Variants in GOLGB1 observed in about 807,000 individuals in gnomAD.
GOLGB1 encodes the protein golgin B1.
Under a neutral mutation model 336.9 loss-of-function variants are expected in GOLGB1, and 174 were observed. That is an observed-to-expected ratio of 0.52 (90% CI 0.46 to 0.59). The LOEUF is 0.59. Ranked by LOEUF, GOLGB1 falls within the 20% of genes least tolerant of loss-of-function variation. GOLGB1 has a pLI of 0.00. For synonymous variants in GOLGB1, 1,208 were observed against 1,289.2 expected, an observed-to-expected ratio of 0.94 and a Z score of 1.35; for missense variants, 3,331 against 3,645.3, an observed-to-expected ratio of 0.91 and a Z score of 2.22.
At chr3:121,710,947 A>T (rs1284286531) in intron 10 of GOLGB1, among the ~76,000 whole-genome samples, 1 of 152,228 alleles carries the variant, frequency 6.6e-6, no homozygotes, top group Non-Finnish European at 1.5e-5. Flanking sequence ...TGGGAGGCCA[A>T]GACGGGTAGA....
intron 17 of GOLGB1, among the ~76,000 whole-genome samples, chr3:121,670,736 A>C (rs894896132): frequency 1.4e-5 from 2 of 142,654 alleles, no homozygotes; most frequent in Non-Finnish European, 3.1e-5. Context: ...AAAGCTAAGA[A>C]AATCATAGGG....
At chr3:121,748,415 C>A (rs1947517934) in intron 1 of GOLGB1, among the ~76,000 whole-genome samples, 1 of 152,098 alleles carries the variant, frequency 6.6e-6, no homozygotes, top group Non-Finnish European at 1.5e-5. Flanking sequence ...GGTTTGGAAG[C>A]TGCTGAGGTA....
chr3:121,719,938 A>G (rs1945061905), intron 6 of GOLGB1, among the ~76,000 whole-genome samples, 170 bp from the exon 7 acceptor site: 2 of 152,236 alleles, frequency 1.3e-5, no homozygotes, highest in South Asian at 4.1e-4. Flanking sequence ...GCTGGACAGT[A>G]ACTATGAAAT....
chr3:121,701,335 CTGAATGGGT>C (rs1239413543), intron 11 of GOLGB1, among the ~76,000 whole-genome samples: 1 of 152,098 alleles, frequency 6.6e-6, no homozygotes. Flanking sequence ...AAGAAGTGCT[CTGAATGGGT>C]TAAATAATGA....
chr3:121,698,794 C>T lies in GOLGB1; in HGVS notation c.1729G>A (p.Glu577Lys), dbSNP rs114252085. ...AGCTGTAATTTAAGAAATGCAATTTCCTCTTGAGCTTCTTTCATTTCCAAC... is the reference window on the plus strand; with the variant it reads ...AGCTGTAATTTAAGAAATGCAATTTTCTCTTGAGCTTCTTTCATTTCCAAC... Reference protein sequence around the residue: ...LLLEMKEAQEEIAFLKLQLQG... With the variant: ...LLLEMKEAQEKIAFLKLQLQG... Residue 577 changes from glutamate to lysine, a missense_variant, in exon 13 of 22, where the codon GAA (glutamate) becomes AAA (lysine). Transcript: ENST00000614479. The T allele has an allele frequency of 3.1e-4, 499 of 1,613,644 alleles. 1 individual carries two copies. In the African/African-American group the frequency reaches 5.5e-3, roughly 18 times the overall value.
chr3:121,710,951 G>A (rs1262573776), intron 10 of GOLGB1, among the ~76,000 whole-genome samples: 3 of 152,126 alleles, frequency 2.0e-5, no homozygotes, highest in South Asian at 2.1e-4. Flanking sequence ...AGGCCAAGAC[G>A]GGTAGATCAC....
chr3:121,699,847 T>C lies in GOLGB1; in HGVS notation c.1558A>G (p.Asn520Asp). The change falls in exon 12 of 22, where the codon AAT (asparagine) becomes GAT (aspartate). Residue 520 changes from asparagine to aspartate, a missense_variant. Asn to Asp is a conservative substitution (Grantham distance 23). Coordinates refer to ENST00000614479, the MANE Select transcript of GOLGB1 (RefSeq NM_001366282.2). ...TCTCTGTCTGCCTCCCCAGTTCTAT[T>C]CTGAGCCTCTAGGAGAGTAATCTGA... ...SSQITLLEAQ[N>D]RTGEADREVS... The C allele has an allele frequency of 3.1e-6, 5 of 1,606,226 alleles. No individual in the cohort carries two copies. The African/African-American group carries it at 6.7e-5, about 21-fold the overall frequency.
intron 1 of GOLGB1, among the ~76,000 whole-genome samples, chr3:121,748,122 G>A (rs1248543678): frequency 6.6e-6 from 1 of 152,118 alleles, no homozygotes; most frequent in Non-Finnish European, 1.5e-5. Flanking sequence ...TAAAGATCAT[G>A]TTTAAGAAAG....
chr3:121,690,772 C>G lies in GOLGB1; in HGVS notation c.8592G>C (p.Glu2864Asp). The change falls in exon 14 of 22, where the codon GAG becomes GAC. Residue 2864 changes from glutamate to aspartate, a missense_variant. Glu to Asp is a conservative substitution (Grantham distance 45, BLOSUM62 2). Coordinates refer to ENST00000614479, the MANE Select transcript of GOLGB1 (RefSeq NM_001366282.2). ...WNELEKFRKS[E>D]EGKQRSAAQP... ...GAGCTGCAGACCTCTGCTTCCCTTC[C>G]TCTGACTTTCGAAATTTCTCCAGCT... is the stretch of plus-strand genomic sequence containing the variant. 4 of 1,592,776 alleles carry G rather than the reference C, an allele frequency of 2.5e-6. No homozygotes were observed. Among genetic ancestry groups the G allele is most frequent in the Non-Finnish European group, 3.4e-6 (4 of 1,170,764 alleles).
rs552936326 is a variant in GOLGB1 at position 121,705,929 on chromosome 3, C to G, written c.1405-3334G>C. 4.6e-5 allele frequency among the ~76,000 whole-genome samples: 7 copies of G among 152,202 alleles called. No individual in the cohort carries two copies. The South Asian group carries it at 1.0e-3, about 23-fold the overall frequency. On this transcript the variant is annotated intron_variant, in intron 10 of 21. Coordinates refer to ENST00000614479, the MANE Select transcript of GOLGB1 (RefSeq NM_001366282.2). ...CGAATGACTGAGCACTGATTCGAAC[C>G]CTCCTAACAAATCAAAGCAGCAGGA...
At chr3:121,721,675 A>G (rs557433759) in intron 6 of GOLGB1, among the ~76,000 whole-genome samples, 1 of 152,196 alleles carries the variant, frequency 6.6e-6, no homozygotes, top group Admixed American at 6.5e-5. Context: ...CAAGAAACCT[A>G]GAAAAATAGA....
intron 8 of GOLGB1, 108 bp downstream of exon 8, chr3:121,718,280 G>T: frequency 1.5e-6 from 1 of 657,766 alleles, no homozygotes; most frequent in Non-Finnish European, 2.7e-6. Context: ...TGAATAAATG[G>T]CATCAATTCT....
chr3:121,732,351 A>G (rs370268514), intron 1 of GOLGB1, among the ~76,000 whole-genome samples: 1 of 152,196 alleles, frequency 6.6e-6, no homozygotes, highest in Non-Finnish European at 1.5e-5. Flanking sequence ...AAAGGAAGGA[A>G]CACCTTCTAA....
At chr3:121,746,776 G>A (rs754761313) in intron 1 of GOLGB1, among the ~76,000 whole-genome samples, 7 of 152,010 alleles carry the variant, frequency 4.6e-5, no homozygotes, top group African/African-American at 1.2e-4. Context: ...CACTGCGCCC[G>A]GCCTAACTCA....
At position 121,698,272 on chromosome 3, in the gene GOLGB1, T is replaced by C. The variant is rs1277011069; in HGVS notation, c.2251A>G (p.Arg751Gly). 1.2e-6 allele frequency: 2 copies of C among 1,613,940 alleles called. No individual in the cohort carries two copies. Among genetic ancestry groups the C allele is most frequent in the African/African-American group, 1.3e-5 (1 of 74,920 alleles). The change falls in exon 13 of 22, where the codon AGA becomes GGA. Residue 751 changes from arginine (R) to glycine (G), a missense_variant. Transcript: ENST00000614479. The stretch of plus-strand genomic sequence containing the variant: ...TTCACCTGAGAGAGAAGCTGGTCTC[T>C]TTCTTCAGACAAAGCAGTGAATGCA... The part of the protein sequence containing the change: ...SSAFTALSEE[R>G]DQLLSQVKEL...
intron 15 of GOLGB1, among the ~76,000 whole-genome samples, chr3:121,679,265 G>A (rs533671909): frequency 1.4e-4 from 21 of 152,160 alleles, no homozygotes; most frequent in South Asian, 4.1e-4. Flanking sequence ...AAAAAAATCC[G>A]CAATCCAAAA....
intron 12 of GOLGB1, among the ~76,000 whole-genome samples, chr3:121,699,170 G>A (rs984354540): frequency 1.3e-5 from 2 of 152,094 alleles, no homozygotes; most frequent in Middle Eastern, 3.4e-3. Context: ...TAAGGAAATT[G>A]GGAATTCATT....
chr3:121,693,761 T>C lies in GOLGB1; in HGVS notation c.6762A>G (p.Glu2254=). Residue 2254 remains glutamate, a synonymous_variant, in exon 13 of 22, where the codon GAA becomes GAG. Coordinates refer to ENST00000614479, the MANE Select transcript of GOLGB1 (RefSeq NM_001366282.2). ...TTTACCTGGAAATGTTAATCTTTAATTCTTCCATATGGATGGACATCTGTC... is the reference window on the plus strand; with the variant it reads ...TTTACCTGGAAATGTTAATCTTTAACTCTTCCATATGGATGGACATCTGTC... ...QLRQMSIHME[E]LKINISRLEH... is the part of the protein sequence containing the mutation. The C allele has an allele frequency of 6.2e-7, 1 of 1,602,414 alleles. No individual in the cohort carries two copies.
chr3:121,724,692 G>A (rs1945443145), intron 5 of GOLGB1, among the ~76,000 whole-genome samples: 1 of 152,190 alleles, frequency 6.6e-6, no homozygotes, highest in Non-Finnish European at 1.5e-5. Context: ...AAGGGAGCCA[G>A]TTTCTAACAG....
Sources: allele counts gnomAD v4.1 joint callset (sites outside exome capture counted in the v4.1 genomes callset), GRCh38; gene constraint gnomAD v4.1.1; transcripts MANE v1.5; gene names NCBI Gene and HGNC (gene_info 2026-07-23, HGNC 2026-07-21).